THOP1: variants seen among roughly 807,000 people sequenced by gnomAD.
The protein encoded by THOP1 is thimet oligopeptidase.
A neutral mutation model predicts 71.8 loss-of-function variants in THOP1; 49 were observed. The ratio of observed to expected loss-of-function variants is 0.68; its 90% CI spans 0.54 to 0.87. The LOEUF is 0.87. Among genes scored for constraint, THOP1 ranks in the 40% least tolerant of loss-of-function variants. The pLI is 0.00. For synonymous variants in THOP1, 426 were observed against 421.5 expected (o/e 1.01, Z -0.13); for missense variants, 843 against 975.6 (o/e 0.86, Z 1.81).
chr19:2,799,907 G>A, intron 5 of THOP1, 116 bp downstream of exon 5: 4 of 941,352 alleles, frequency 4.2e-6, no homozygotes, highest in Non-Finnish European at 4.8e-6. Flanking sequence ...AAGGGCGGCG[G>A]GAGGCCGAAG....
In THOP1 at chr19:2,813,095, G is replaced by A; in HGVS notation, c.1909-20G>A. The A allele has an allele frequency of 2.5e-6, 4 of 1,598,086 alleles. No homozygotes were observed. The highest frequency in any genetic ancestry group is 3.4e-6 in the Non-Finnish European group (4 of 1,170,514). On this transcript the variant is annotated intron_variant, in intron 12 of 12. Coordinates refer to ENST00000307741, the MANE Select transcript of THOP1 (RefSeq NM_003249.5). ...CTCCCTGGGTCCCCACCCGGCCACA[G>A]TGCCCTGTCTCCTCGGCAGGTTGGC...
intron 4 of THOP1, among the ~76,000 whole-genome samples, chr19:2,796,644 T>C (rs1916021290): frequency 6.9e-6 from 1 of 144,900 alleles, no homozygotes; most frequent in Non-Finnish European, 1.5e-5. Flanking sequence ...AGTGCTCAGT[T>C]GCGGGGAGTG....
chr19:2,790,640 C>A lies in THOP1; in HGVS notation c.229+7C>A. The A allele has an allele frequency of 6.5e-7, 1 of 1,538,352 alleles. No homozygotes were observed. Among genetic ancestry groups the A allele is most frequent in the South Asian group, 1.3e-5 (1 of 78,604 alleles). On this transcript the variant is annotated splice_region_variant and intron_variant, in intron 2 of 12. Coordinates refer to ENST00000307741, the MANE Select transcript of THOP1 (RefSeq NM_003249.5). ...GTGGAGGTCACCTACACAGGTAAGT[C>A]CCAGGCAGGGTCTGTGCGTGGGCCG... is the stretch of plus-strand genomic sequence containing the variant.
chr19:2,803,852 C>T (rs1280735909), intron 5 of THOP1, among the ~76,000 whole-genome samples: 2 of 152,202 alleles, frequency 1.3e-5, no homozygotes, highest in East Asian at 1.9e-4. Flanking sequence ...GCCTCTGGCC[C>T]CCCAACCGGA....
At position 2,813,253 on chromosome 19, in the gene THOP1, G is replaced by A. The variant is rs552791878; in HGVS notation, c.2047G>A (p.Glu683Lys). The A allele has an allele frequency of 1.6e-5, 25 of 1,609,162 alleles. No homozygotes were observed. Among genetic ancestry groups the A allele is most frequent in the South Asian group, 4.4e-5 (4 of 90,824 alleles). Residue 683 changes from glutamate (E) to lysine (K), a missense_variant, in exon 13 of 13, where the codon GAG becomes AAG. By Grantham distance (56) the Glu-to-Lys change is moderately conservative. Transcript: ENST00000307741. ...CAAGGGGCTGCAGGTCGGGGGCTGC[G>A]AGCCCGAGCCGCAGGTCTGCTGAGG... is the stretch of plus-strand genomic sequence containing the variant. ...LSKGLQVGGC[E>K]PEPQVC
intron 4 of THOP1, 80 bp downstream of exon 4, chr19:2,796,268 C>A: frequency 1.7e-6 from 2 of 1,186,134 alleles, no homozygotes; most frequent in Non-Finnish European, 2.4e-6. Flanking sequence ...GTGCTCAGTC[C>A]CAGGGAGTGG....
At chr19:2,794,628 C>CCG in intron 2 of THOP1, 136 bp from the exon 3 acceptor site, 2 of 1,103,318 alleles carry the variant, frequency 1.8e-6, no homozygotes, top group Non-Finnish European at 1.3e-6. Flanking sequence ...CTAGTCCCAG[C>CCG]TACTTGGGAG....
intron 12 of THOP1, chr19:2,812,463 C>T (rs949959125): frequency 2.9e-6 from 4 of 1,364,926 alleles, no homozygotes. Flanking sequence ...CGACAAGCCC[C>T]CTGTCTTCAC....
chr19:2,785,956 C>T (rs140213042), intron 1 of THOP1, among the ~76,000 whole-genome samples: 2 of 152,342 alleles, frequency 1.3e-5, no homozygotes, highest in East Asian at 3.9e-4. Context: ...TTTAACGACT[C>T]CAGTCCCGTT....
At chr19:2,790,755 GC>G in intron 2 of THOP1, 122 bp downstream of exon 2, 1 of 907,104 alleles carries the variant, frequency 1.1e-6, no homozygotes, top group Non-Finnish European at 1.6e-6. Flanking sequence ...CCAGCACCCT[GC>G]CCCTGAGCAC....
intron 7 of THOP1, among the ~76,000 whole-genome samples, 157 bp downstream of exon 7, chr19:2,807,209 C>T (rs1916315166): frequency 6.6e-6 from 1 of 152,158 alleles, no homozygotes; most frequent in East Asian, 1.9e-4. Flanking sequence ...CCCGAGGGAC[C>T]CTTACAGAAC....
intron 12 of THOP1, chr19:2,811,985 C>T (rs1916487916): frequency 4.8e-6 from 5 of 1,048,768 alleles, no homozygotes; most frequent in African/African-American, 1.6e-5. Flanking sequence ...ACCTGCTGGT[C>T]TTGGTGCGGT....
At position 2,813,025 on chromosome 19, in the gene THOP1, C is replaced by G. The variant is rs563435859; in HGVS notation, c.1909-90C>G. On this transcript the variant is annotated intron_variant, in intron 12 of 12. Transcript: ENST00000307741. ...GAACCTGGAAGGGGTTGCTCCGAGG[C>G]CCCCCTGGGCGAGGGTGTGCAGACT... is the stretch of plus-strand genomic sequence containing the variant. The G allele has an allele frequency of 1.7e-5, 24 of 1,439,666 alleles. No homozygotes were observed. In the East Asian group the frequency reaches 5.5e-4, roughly 33 times the overall value. The allele number at this position is 1,439,666 out of a possible 1,614,324, so 89.2% of individuals were successfully genotyped here. A position where few individuals can be genotyped will look rare whatever the true frequency, so the allele number is the denominator to read the frequency against.
rs1307147177 is a variant in THOP1 at position 2,800,114 on chromosome 19, A to G, written c.589+323A>G. ...GTGGCCAAGGGTGCCAGTCTCAGCC[A>G]TGGCCCTGAGGGAACCACAATTTTC... is the stretch of plus-strand genomic sequence containing the variant. On this transcript the variant is annotated intron_variant, in intron 5 of 12. Transcript: ENST00000307741. Among the ~76,000 whole-genome samples the G allele has an allele frequency of 1.3e-5, 2 of 152,312 alleles. 1 individual carries two copies. Among genetic ancestry groups the G allele is most frequent in the African/African-American group, 4.8e-5 (2 of 41,584 alleles).
chr19:2,810,788 G>A lies in THOP1; in HGVS notation c.1771+20G>A. ...CGCCAGGTAGCCACCCTTGAGCCGGGCACACCCTGGAATTTGGAGCCTCAG... is the reference window on the plus strand; with the variant it reads ...CGCCAGGTAGCCACCCTTGAGCCGGACACACCCTGGAATTTGGAGCCTCAG... On this transcript the variant is annotated intron_variant, in intron 11 of 12. Coordinates refer to ENST00000307741, the MANE Select transcript of THOP1 (RefSeq NM_003249.5). The A allele has an allele frequency of 6.3e-7, 1 of 1,593,756 alleles. No homozygotes were observed. The highest frequency in any genetic ancestry group is 1.1e-5 in the South Asian group (1 of 89,072).
intron 11 of THOP1, 106 bp downstream of exon 11, chr19:2,810,874 T>C: frequency 6.9e-7 from 1 of 1,457,006 alleles, no homozygotes; most frequent in Non-Finnish European, 9.1e-7. Context: ...AGTGCAGGAG[T>C]CCCTGCTGGG....
intron 2 of THOP1, among the ~76,000 whole-genome samples, chr19:2,792,768 C>A (rs1915917208): frequency 6.6e-6 from 1 of 152,206 alleles, no homozygotes; most frequent in African/African-American, 2.4e-5. Flanking sequence ...ATCCTCCTGC[C>A]TCAGCCTTCT....
In THOP1 at chr19:2,801,399, T is replaced by C. The variant is rs1183463196; in HGVS notation, c.589+1608T>C. Reference sequence around the variant, plus strand: ...TTGTGGATTTTGGTGTCTAACTCTTTGGGGTGCCGTTCCATTTGTCGGGCC... The same window carrying C: ...TTGTGGATTTTGGTGTCTAACTCTTCGGGGTGCCGTTCCATTTGTCGGGCC... On this transcript the variant is annotated intron_variant, in intron 5 of 12. Transcript: ENST00000307741. The surrounding 1 kb of genome is among the most constrained non-coding windows in gnomAD (Gnocchi z 5.1). Among the ~76,000 whole-genome samples, 7 of 152,210 alleles carry C rather than the reference T, an allele frequency of 4.6e-5. No individual in the cohort carries two copies. The highest frequency in any genetic ancestry group is 9.7e-5 in the African/African-American group (4 of 41,448).
intron 4 of THOP1, 92 bp from the exon 5 acceptor site, chr19:2,799,597 C>T (rs1382609913): frequency 2.0e-6 from 2 of 1,018,484 alleles, no homozygotes; most frequent in East Asian, 2.4e-5. Context: ...GGAAATCCCT[C>T]AGCCCTCGGC....
Sources: allele counts gnomAD v4.1 joint callset (sites outside exome capture counted in the v4.1 genomes callset), GRCh38; gene constraint gnomAD v4.1.1; non-coding constraint Gnocchi (gnomAD v3.1); transcripts MANE v1.5; gene names NCBI Gene and HGNC (gene_info 2026-07-23, HGNC 2026-07-21).